Variants in BRINP2 observed in about 807,000 individuals in gnomAD.
The protein encoded by BRINP2 is BMP/retinoic acid-inducible neural-specific protein 2.
Under a neutral mutation model 69.2 loss-of-function variants are expected in BRINP2, and 21 were observed. The observed-to-expected ratio is 0.30, with a 90% CI of 0.22 to 0.44. The LOEUF (loss-of-function observed/expected upper bound fraction) is 0.44. BRINP2 is among the 20% of genes least tolerant of loss of function. The pLI is 1.00. For missense variants in BRINP2, 877 were observed against 986.0 expected (o/e 0.89, Z 1.48); for synonymous variants, 380 against 394.1 (o/e 0.96, Z 0.42).
intron 2 of BRINP2, among the ~76,000 whole-genome samples, chr1:177,254,531 T>C (rs1352743936): frequency 6.6e-6 from 1 of 152,092 alleles, no homozygotes; most frequent in East Asian, 1.9e-4. Context: ...ATAAAGCAAA[T>C]CTGAGGCTAC....
At chr1:177,246,016 A>C (rs1650365466) in intron 2 of BRINP2, among the ~76,000 whole-genome samples, 1 of 152,228 alleles carries the variant, frequency 6.6e-6, no homozygotes, top group African/African-American at 2.4e-5. Context: ...AGAACACAGC[A>C]GGCTGCTAAA....
intron 1 of BRINP2, among the ~76,000 whole-genome samples, chr1:177,180,836 G>A (rs1648223624): frequency 6.6e-6 from 1 of 152,138 alleles, no homozygotes; most frequent in South Asian, 2.1e-4. Flanking sequence ...TATTAAAATT[G>A]ATTTTAAAAT....
chr1:177,185,582 T>C (rs1357758453), intron 1 of BRINP2, among the ~76,000 whole-genome samples: 1 of 152,222 alleles, frequency 6.6e-6, no homozygotes, highest in African/African-American at 2.4e-5. Context: ...CATTCTTTAT[T>C]GAGCATTTAA....
intron 1 of BRINP2, among the ~76,000 whole-genome samples, chr1:177,228,348 G>T (rs375862777): frequency 6.6e-6 from 1 of 152,196 alleles, no homozygotes; most frequent in African/African-American, 2.4e-5. Flanking sequence ...CCTTTAGGCT[G>T]GGAGAGTTCC....
rs753680596 is a variant in BRINP2 at position 177,276,326 on chromosome 1, A to T, written c.904A>T (p.Thr302Ser). The T allele has an allele frequency of 8.1e-6, 13 of 1,613,996 alleles. No individual in the cohort carries two copies. The highest frequency in any genetic ancestry group is 1.0e-5 in the Non-Finnish European group (12 of 1,180,024). Residue 302 changes from threonine (T) to serine (S), a missense_variant, in exon 6 of 8, where the codon ACC becomes TCC. Around this residue, in one of 3 missense-constraint regions of BRINP2, gnomAD observed 566 missense variants for 625.2 expected, o/e 0.91. Coordinates refer to ENST00000361539, the MANE Select transcript of BRINP2 (RefSeq NM_021165.4). ...ENDCWCKCSP[T>S]FPECNCPDAD... ...TGACTGCTGGTGCAAGTGCAGCCCC[A>T]CCTTCCCTGAATGCAACTGCCCTGA...
At chr1:177,248,472 C>T (rs151238121) in intron 2 of BRINP2, among the ~76,000 whole-genome samples, 74 of 117,580 alleles carry the variant, frequency 6.3e-4, no homozygotes, top group Middle Eastern at 5.4e-3. Flanking sequence ...TGTGTGTGTG[C>T]GTGTGTGTGT....
intron 1 of BRINP2, among the ~76,000 whole-genome samples, chr1:177,196,877 G>A (rs995979280): frequency 2.0e-5 from 3 of 152,018 alleles, no homozygotes; most frequent in African/African-American, 4.8e-5. Context: ...CACTCTTAAC[G>A]TCTGTGCTGA....
chr1:177,175,940 TAAAGTCTCTTCTATCTAG>T (rs1435909849), intron 1 of BRINP2, among the ~76,000 whole-genome samples: 4 of 152,208 alleles, frequency 2.6e-5, no homozygotes, highest in African/African-American at 9.6e-5. Context: ...GGTTGTGAAT[TAAAGTCTCTTCTATCTAG>T]AAAGGAAGAG....
intron 2 of BRINP2, among the ~76,000 whole-genome samples, chr1:177,246,777 A>T (rs535617939): frequency 1.3e-5 from 2 of 152,296 alleles, no homozygotes; most frequent in Admixed American, 1.3e-4. Flanking sequence ...TGGGATTATG[A>T]TTTTTATTAT....
intron 1 of BRINP2, among the ~76,000 whole-genome samples, chr1:177,195,505 C>T (rs1184800578): frequency 2.0e-5 from 3 of 149,878 alleles, no homozygotes; most frequent in African/African-American, 4.9e-5. Context: ...CTTCTGTGAC[C>T]GCTCTCAACC....
chr1:177,269,265 G>GC (rs374502557), intron 4 of BRINP2, among the ~76,000 whole-genome samples: 9 of 152,330 alleles, frequency 5.9e-5, no homozygotes, highest in African/African-American at 1.9e-4. Context: ...TCTTGGCTCT[G>GC]CCATAGGGTT....
At chr1:177,276,827 T>G (rs1164400765) in intron 6 of BRINP2, among the ~76,000 whole-genome samples, 1 of 152,222 alleles carries the variant, frequency 6.6e-6, no homozygotes, top group East Asian at 1.9e-4. Flanking sequence ...TCCAATACAA[T>G]TCAGTTGTTG....
intron 1 of BRINP2, among the ~76,000 whole-genome samples, chr1:177,228,482 C>T (rs1447194170): frequency 1.3e-5 from 2 of 152,164 alleles, no homozygotes; most frequent in Non-Finnish European, 2.9e-5. Flanking sequence ...TGGCAGGGGG[C>T]ATAAATCAAG....
At chr1:177,176,498 A>G (rs1466144182) in intron 1 of BRINP2, among the ~76,000 whole-genome samples, 1 of 149,360 alleles carries the variant, frequency 6.7e-6, no homozygotes, top group Admixed American at 6.7e-5. Flanking sequence ...AGTTAAAATT[A>G]TGTAAGTGGC....
intron 4 of BRINP2, among the ~76,000 whole-genome samples, chr1:177,272,150 C>T (rs1195816173): frequency 2.0e-5 from 3 of 152,188 alleles, no homozygotes; most frequent in Non-Finnish European, 4.4e-5. Context: ...TGTCCACTCC[C>T]TACTTCTCCT....
intron 4 of BRINP2, among the ~76,000 whole-genome samples, chr1:177,270,528 G>A (rs1651282898): frequency 6.6e-6 from 1 of 151,100 alleles, no homozygotes; most frequent in African/African-American, 2.4e-5. Flanking sequence ...TTGGTGGCAG[G>A]CAGGGATGGG....
At chr1:177,226,639 A>G (rs1649701130) in intron 1 of BRINP2, among the ~76,000 whole-genome samples, 1 of 152,222 alleles carries the variant, frequency 6.6e-6, no homozygotes, top group African/African-American at 2.4e-5. Flanking sequence ...GCATGGGTAC[A>G]GGTTAACTGG....
chr1:177,259,370 G>A (rs1368062163), intron 4 of BRINP2, among the ~76,000 whole-genome samples: 1 of 152,144 alleles, frequency 6.6e-6, no homozygotes, highest in Non-Finnish European at 1.5e-5. Context: ...TTGGAGGAAA[G>A]AACCCGTCTC....
intron 1 of BRINP2, among the ~76,000 whole-genome samples, chr1:177,215,288 A>G (rs1473089125): frequency 2.6e-5 from 4 of 152,220 alleles, no homozygotes; most frequent in Non-Finnish European, 5.9e-5. Flanking sequence ...TATCTATGAA[A>G]AATGACATTG....
Sources: allele counts gnomAD v4.1 joint callset (sites outside exome capture counted in the v4.1 genomes callset), GRCh38; gene constraint gnomAD v4.1.1; regional missense constraint gnomAD v4.1.1; transcripts MANE v1.5; gene names NCBI Gene and HGNC (gene_info 2026-07-23, HGNC 2026-07-21).